The following STARD9 variants were observed in gnomAD, a reference collection of about 807,000 sequenced individuals.
STARD9 encodes the protein stAR-related lipid transfer protein 9.
In STARD9, 346 loss-of-function variants were observed where a neutral mutation model predicts 399.8. The ratio of observed to expected loss-of-function variants is 0.87; its 90% CI spans 0.79 to 0.95. The LOEUF is 0.95. Ranked by LOEUF, STARD9 falls within the 40% of genes least tolerant of loss-of-function variation. The pLI, the probability that STARD9 is intolerant of heterozygous loss-of-function variation, is 0.00. For missense variants in STARD9, 5,832 were observed against 5,667.5 expected, an observed-to-expected ratio of 1.03 and a Z score of -0.93; for synonymous variants, 2,203 against 2,143.5, an observed-to-expected ratio of 1.03 and a Z score of -0.77.
chr15:42,633,850 G>T (rs1595677712), intron 3 of STARD9, among the ~76,000 whole-genome samples: 1 of 151,872 alleles, frequency 6.6e-6, no homozygotes, highest in East Asian at 1.9e-4. Flanking sequence ...CGCCATGTTG[G>T]CCAGGCCTGT....
chr15:42,680,897 G>T (rs1295402901), intron 20 of STARD9, among the ~76,000 whole-genome samples: 2 of 152,146 alleles, frequency 1.3e-5, no homozygotes, highest in Non-Finnish European at 2.9e-5. Flanking sequence ...ACACACAGGC[G>T]TGGTGTGTGT....
At chr15:42,704,495 C>T (rs986975910) in intron 26 of STARD9, among the ~76,000 whole-genome samples, 1 of 152,082 alleles carries the variant, frequency 6.6e-6, no homozygotes, top group Non-Finnish European at 1.5e-5. Flanking sequence ...TTGTTTGTAC[C>T]TGTCTTTCAG....
At chr15:42,615,623 G>T (rs2058947480) in intron 3 of STARD9, among the ~76,000 whole-genome samples, 1 of 150,918 alleles carries the variant, frequency 6.6e-6, no homozygotes. Context: ...TATGACTATG[G>T]GAGGAACAAG....
chr15:42,641,799 T>C (rs997895168), intron 7 of STARD9, among the ~76,000 whole-genome samples: 1 of 151,850 alleles, frequency 6.6e-6, no homozygotes, highest in Non-Finnish European at 1.5e-5. Context: ...AGATGGGGTT[T>C]CTTCCATGTT....
chr15:42,590,973 A>C (rs924246253), intron 3 of STARD9, among the ~76,000 whole-genome samples: 1 of 152,192 alleles, frequency 6.6e-6, no homozygotes, highest in African/African-American at 2.4e-5. Context: ...CAGATGCACA[A>C]ACTGTGTCAG....
At chr15:42,719,445 C>G in intron 32 of STARD9, 28 bp from the exon 33 acceptor site, 1 of 1,445,964 alleles carries the variant, frequency 6.9e-7, no homozygotes, top group Non-Finnish European at 9.4e-7. Flanking sequence ...TCTATTTGCA[C>G]CTTAAATTCT....
At chr15:42,706,664 C>T (rs769599420) in intron 26 of STARD9, among the ~76,000 whole-genome samples, 15 of 152,014 alleles carry the variant, frequency 9.9e-5, no homozygotes, top group Non-Finnish European at 1.9e-4. Context: ...TGGCCAGGCT[C>T]GTCTCGAACC....
chr15:42,625,268 C>T (rs556684725), intron 3 of STARD9, among the ~76,000 whole-genome samples: 13 of 151,764 alleles, frequency 8.6e-5, no homozygotes, highest in Admixed American at 7.9e-4. Context: ...CTCAAGTGGT[C>T]CACCCACCTC....
rs114142198 is a variant in STARD9 at position 42,608,980 on chromosome 15, C to T, written c.234+23343C>T. 3.2e-3 allele frequency among the ~76,000 whole-genome samples: 488 copies of T among 152,252 alleles called. 3 individuals carry two copies. The highest frequency in any genetic ancestry group is 0.011 in the African/African-American group (477 of 41,528). On this transcript the variant is annotated intron_variant, in intron 3 of 32. Transcript: ENST00000290607. Reference sequence around the variant, plus strand: ...TGCGTTGTTGCTGGGTGCCATGTCCCAGCTTCAGCCTTAGATGTGTGAGAT... The same window carrying T: ...TGCGTTGTTGCTGGGTGCCATGTCCTAGCTTCAGCCTTAGATGTGTGAGAT...
At chr15:42,674,551 T>G in intron 17 of STARD9, 60 bp downstream of exon 17, 1 of 1,455,818 alleles carries the variant, frequency 6.9e-7, no homozygotes, top group South Asian at 1.2e-5. Context: ...CCGAAAGGTT[T>G]CTTCGAGGAC....
intron 1 of STARD9, among the ~76,000 whole-genome samples, chr15:42,582,207 C>A (rs1248844073): frequency 6.6e-6 from 1 of 152,124 alleles, no homozygotes; most frequent in African/African-American, 2.4e-5. Context: ...ACCCCCAGTC[C>A]TCTAGGTCAT....
At position 42,692,689 on chromosome 15, in the gene STARD9, C is replaced by G; in HGVS notation, c.11111C>G (p.Ala3704Gly). The G allele has an allele frequency of 6.5e-7, 1 of 1,537,150 alleles. No individual in the cohort carries two copies. Among genetic ancestry groups the G allele is most frequent in the East Asian group, 2.4e-5 (1 of 40,908 alleles). The change falls in exon 23 of 33, where the codon GCC becomes GGC. Residue 3704 changes from alanine to glycine, a missense_variant. Coordinates refer to ENST00000290607, the MANE Select transcript of STARD9 (RefSeq NM_020759.3). ...LLGSLSQPDV[A>G]RREQNTKRDI... The stretch of plus-strand genomic sequence containing the variant: ...GGGAGTCTCTCCCAGCCAGATGTGG[C>G]CAGAAGGGAGCAGAACACCAAGAGG...
In STARD9 at chr15:42,691,842, A is replaced by T. The variant is rs138447628; in HGVS notation, c.10264A>T (p.Thr3422Ser). 1.3e-6 allele frequency: 2 copies of T among 1,537,236 alleles called. No individual in the cohort carries two copies. The highest frequency in any genetic ancestry group is 4.9e-5 in the East Asian group (2 of 40,914). Residue 3422 changes from threonine to serine, a missense_variant, in exon 23 of 33, where the codon ACG becomes TCG. Coordinates refer to ENST00000290607, the MANE Select transcript of STARD9 (RefSeq NM_020759.3). ...CTCACACATGCCAACCCCTGATTTCACGACCAGCTGGATGTCTGGTACTTT... is the reference window on the plus strand; with the variant it reads ...CTCACACATGCCAACCCCTGATTTCTCGACCAGCTGGATGTCTGGTACTTT... ...TLSHMPTPDF[T>S]TSWMSGTLEQ...
chr15:42,626,309 CTCTTCCTCTTCTTCCTCCTCTTCCTCT>C (rs1426263528), intron 3 of STARD9, among the ~76,000 whole-genome samples: 10 of 142,114 alleles, frequency 7.0e-5, no homozygotes, highest in African/African-American at 2.4e-4. Context: ...CCCCTTCTTC[CTCTTCCTCTTCTTCCTCCTCTTCCTCT>C]TCTTCCTCTT....
At chr15:42,592,538 G>A (rs1181302916) in intron 3 of STARD9, among the ~76,000 whole-genome samples, 1 of 151,948 alleles carries the variant, frequency 6.6e-6, no homozygotes, top group African/African-American at 2.4e-5. Context: ...TCCGCCTTCC[G>A]GTTTCTAGCA....
chr15:42,661,568 T>G (rs745554600), intron 10 of STARD9, among the ~76,000 whole-genome samples: 3 of 152,066 alleles, frequency 2.0e-5, no homozygotes, highest in Admixed American at 6.6e-5. Context: ...CCTCAGCCTC[T>G]GGAGTAGCTG....
chr15:42,601,482 C>T lies in STARD9; in HGVS notation c.234+15845C>T, dbSNP rs1205374388. On this transcript the variant is annotated intron_variant, in intron 3 of 32. Transcript: ENST00000290607. The stretch of plus-strand genomic sequence containing the variant: ...CCAACCTCCCAGACGGGGCGGCGGC[C>T]GGGCGGGGGCTGCCCCCCACCTCCC... Among the ~76,000 whole-genome samples the T allele has an allele frequency of 8.6e-5, 13 of 150,354 alleles. No individual in the cohort carries two copies. The East Asian group carries it at 1.2e-3, about 14-fold the overall frequency.
In STARD9 at chr15:42,687,426, A is replaced by G. The variant is rs200447596; in HGVS notation, c.5848A>G (p.Arg1950Gly). The change falls in exon 23 of 33, where the codon AGA (arginine) becomes GGA (glycine). Residue 1950 changes from arginine (R) to glycine (G), a missense_variant. Around this residue, in one of 2 missense-constraint regions of STARD9, gnomAD observed 5,828 missense variants for 5,651.1 expected, o/e 1.03. Coordinates refer to ENST00000290607, the MANE Select transcript of STARD9 (RefSeq NM_020759.3). ...GGAAAGTGCTGTTTCTTTGAAATCC[A>G]GATCAGTAGATCGTAGAGTAAGCAG... ...PGESAVSLKS[R>G]SVDRRVSSPV... 56 of 1,537,036 alleles carry G rather than the reference A, an allele frequency of 3.6e-5. No homozygotes were observed. In the East Asian group the frequency reaches 1.3e-3, roughly 36 times the overall value.
chr15:42,702,306 T>C lies in STARD9; in HGVS notation c.13284+6426T>C, dbSNP rs1023589786. Among the ~76,000 whole-genome samples the C allele has an allele frequency of 3.9e-5, 6 of 152,118 alleles. No individual in the cohort carries two copies. In the East Asian group the frequency reaches 1.2e-3, roughly 30 times the overall value. On this transcript the variant is annotated intron_variant, in intron 26 of 32. Transcript: ENST00000290607. ...GCAACCTCTGCCTCCCGGGTTCAAA[T>C]GATTCTCCTGCCTCAGCCTCCTGAG...
Sources: gnomAD v4.1 joint callset for allele counts (sites outside exome capture counted in the v4.1 genomes callset) on GRCh38, gnomAD v4.1.1 for gene constraint, gnomAD v4.1.1 regional missense constraint, MANE v1.5 for transcripts, NCBI Gene and HGNC (gene_info 2026-07-23, HGNC 2026-07-21) for gene names.